The following GBE1 variants were observed in gnomAD, a reference collection of about 807,000 sequenced individuals.
GBE1 encodes the protein 1,4-alpha-glucan branching enzyme 1.
GBE1 carries 70 observed loss-of-function variants against 88.8 expected under a neutral mutation model. That is an observed-to-expected ratio of 0.79 (90% CI 0.65 to 0.96). The LOEUF (loss-of-function observed/expected upper bound fraction) is 0.96. Ranked by LOEUF, GBE1 falls within the 40% of genes least tolerant of loss-of-function variation. The probability of loss-of-function intolerance (pLI) is 0.00; values close to 1 mark genes in which losing one functional copy is unlikely to be tolerated. For missense variants in GBE1, 872 were observed against 871.0 expected (o/e 1.00, Z -0.01); for synonymous variants, 284 against 300.1 (o/e 0.95, Z 0.56).
At chr3:81,658,997 T>C (rs1475797347) in intron 3 of GBE1, among the ~76,000 whole-genome samples, 1 of 152,136 alleles carries the variant, frequency 6.6e-6, no homozygotes, top group Admixed American at 6.5e-5. Flanking sequence ...ACATCCAAGA[T>C]ATTGAAAGAT....
Position 81,511,039 on chromosome 3 carries a change from T to A in GBE1, c.1935-11812A>T. ...TACTTTAAATATAGATAATTTTTAT[T>A]TATCAGTTATGCTTTAAAACAAAAA... On this transcript the variant is annotated intron_variant, in intron 14 of 15. Coordinates refer to ENST00000429644, the MANE Select transcript of GBE1 (RefSeq NM_000158.4). Among the ~76,000 whole-genome samples, 2 of 151,926 alleles carry A rather than the reference T, an allele frequency of 1.3e-5. 1 individual carries two copies. Among genetic ancestry groups the A allele is most frequent in the Middle Eastern group, 6.3e-3 (2 of 316 alleles).
At chr3:81,738,400 C>T (rs1489323674) in intron 1 of GBE1, among the ~76,000 whole-genome samples, 1 of 151,886 alleles carries the variant, frequency 6.6e-6, no homozygotes, top group Non-Finnish European at 1.5e-5. Context: ...TTCTCCACAT[C>T]CTCTCCAGCA....
At chr3:81,759,895 T>G (rs1706655206) in intron 1 of GBE1, among the ~76,000 whole-genome samples, 1 of 151,678 alleles carries the variant, frequency 6.6e-6, no homozygotes. Context: ...CAACTCTTCT[T>G]TAATAAATAT....
At chr3:81,542,415 AT>A (rs35891264) in intron 12 of GBE1, among the ~76,000 whole-genome samples, 3 of 152,138 alleles carry the variant, frequency 2.0e-5, no homozygotes, top group Non-Finnish European at 2.9e-5. Flanking sequence ...AACAGCAGAT[AT>A]TCTAGGATCA....
chr3:81,748,782 G>A (rs1032363416), intron 1 of GBE1, among the ~76,000 whole-genome samples: 3 of 151,874 alleles, frequency 2.0e-5, no homozygotes, highest in African/African-American at 7.3e-5. Context: ...GCAGAGGTGG[G>A]TGGATCATGA....
At chr3:81,609,363 CA>C (rs1704142712) in intron 7 of GBE1, among the ~76,000 whole-genome samples, 1 of 152,048 alleles carries the variant, frequency 6.6e-6, no homozygotes, top group African/African-American at 2.4e-5. Context: ...ATCACCTGGG[CA>C]AACAAATGAA....
intron 1 of GBE1, among the ~76,000 whole-genome samples, chr3:81,757,399 T>C (rs1010230968): frequency 3.3e-5 from 5 of 152,222 alleles, no homozygotes; most frequent in Non-Finnish European, 5.9e-5. Context: ...TATTTCAAAA[T>C]CCATTCTACT....
rs143833108 is a variant in GBE1, at chr3:81,507,959, A to G, written c.1935-8732T>C. On this transcript the variant is annotated intron_variant, in intron 14 of 15. Transcript: ENST00000429644. ...TCCCTGCAAGTATGCTTCTTCGGCC[A>G]TACATTTTTAGAAACTGTACAATGC... Among the ~76,000 whole-genome samples, 342 of 152,322 alleles carry G rather than the reference A, an allele frequency of 2.2e-3. 1 individual carries two copies. The highest frequency in any genetic ancestry group is 6.7e-3 in the African/African-American group (279 of 41,576).
rs143162021 is a variant in GBE1 at position 81,523,869 on chromosome 3, T to C, written c.1934+11326A>G. On this transcript the variant is annotated intron_variant, in intron 14 of 15. Coordinates refer to ENST00000429644, the MANE Select transcript of GBE1 (RefSeq NM_000158.4). ...GCTGAATAGTATTCCGTTGTGTATA[T>C]GTACTATATTTTCTTTGTTCATTCG... 2.9e-3 allele frequency among the ~76,000 whole-genome samples: 436 copies of C among 151,982 alleles called. 2 individuals are homozygous for C. Among genetic ancestry groups the C allele is most frequent in the South Asian group, 6.0e-3 (29 of 4,824 alleles).
At chr3:81,566,242 C>T (rs2106916899) in intron 12 of GBE1, among the ~76,000 whole-genome samples, 1 of 152,236 alleles carries the variant, frequency 6.6e-6, no homozygotes, top group Admixed American at 6.5e-5. Context: ...TTAAGAATCA[C>T]CTGGGAATCA....
chr3:81,598,628 C>T (rs1703989987), intron 7 of GBE1, among the ~76,000 whole-genome samples: 1 of 151,418 alleles, frequency 6.6e-6, no homozygotes, highest in African/African-American at 2.4e-5. Flanking sequence ...TAAGAGAAAA[C>T]TTGAAATGAT....
At chr3:81,557,712 G>T (rs1011646015) in intron 12 of GBE1, among the ~76,000 whole-genome samples, 1 of 152,016 alleles carries the variant, frequency 6.6e-6, no homozygotes, top group African/African-American at 2.4e-5. Flanking sequence ...TTACATTAAA[G>T]AAATGGTCAA....
At chr3:81,685,646 T>C (rs1705425709) in intron 2 of GBE1, among the ~76,000 whole-genome samples, 1 of 152,192 alleles carries the variant, frequency 6.6e-6, no homozygotes, top group Non-Finnish European at 1.5e-5. Flanking sequence ...CCTCCCAAAG[T>C]GCTGGTATTA....
At chr3:81,557,890 C>T (rs1466274600) in intron 12 of GBE1, among the ~76,000 whole-genome samples, 1 of 151,772 alleles carries the variant, frequency 6.6e-6, no homozygotes, top group Non-Finnish European at 1.5e-5. Context: ...AGAAGGAGAA[C>T]CTGAGGAGTC....
At chr3:81,602,378 T>C (rs901640767) in intron 7 of GBE1, among the ~76,000 whole-genome samples, 6 of 152,204 alleles carry the variant, frequency 3.9e-5, no homozygotes, top group Admixed American at 3.3e-4. Flanking sequence ...CCATTTGTCT[T>C]AGTTTAAGCT....
chr3:81,682,975 A>G (rs1705373648), intron 2 of GBE1, among the ~76,000 whole-genome samples: 1 of 152,234 alleles, frequency 6.6e-6, no homozygotes, highest in Admixed American at 6.5e-5. Context: ...ATGCTAAGTG[A>G]AAGAATCACA....
chr3:81,745,031 T>A (rs75481736), intron 1 of GBE1, among the ~76,000 whole-genome samples: 2 of 152,154 alleles, frequency 1.3e-5, no homozygotes, highest in African/African-American at 2.4e-5. Context: ...ATTAAATATC[T>A]ACTCTGTGTT....
In GBE1 at chr3:81,490,248, G is replaced by A. The variant is rs368886903; in HGVS notation, c.*159C>T. The A allele has an allele frequency of 6.4e-6, 4 of 621,296 alleles. No homozygotes were observed. The East Asian group carries it at 1.2e-4, about 18-fold the overall frequency. The allele number at this position is 621,296 out of a possible 1,614,324, so 38.5% of individuals were successfully genotyped here. A position where few individuals can be genotyped will look rare whatever the true frequency, so the allele number is the denominator to read the frequency against. The stretch of plus-strand genomic sequence containing the variant: ...TATTCTCCCATCTACTTAAATAAAA[G>A]TTTGCTGTATTTGCATAAACCAATA... On this transcript the variant is annotated 3_prime_UTR_variant, in exon 16 of 16. Transcript: ENST00000429644.
chr3:81,532,650 C>T (rs545992699), intron 14 of GBE1, among the ~76,000 whole-genome samples: 2 of 151,942 alleles, frequency 1.3e-5, no homozygotes, highest in South Asian at 2.1e-4. Context: ...AAGTAGCTCC[C>T]TAGTCAAAAA....
Sources: gnomAD v4.1 joint callset for allele counts (sites outside exome capture counted in the v4.1 genomes callset) on GRCh38, gnomAD v4.1.1 for gene constraint, MANE v1.5 for transcripts, NCBI Gene and HGNC (gene_info 2026-07-23, HGNC 2026-07-21) for gene names.